Variants in ABCG1 observed in about 807,000 individuals in gnomAD.
ABCG1 encodes ATP binding cassette subfamily G member 1, also known as ATP-binding cassette sub-family G member 1.
Under a neutral mutation model 69.2 loss-of-function variants are expected in ABCG1, and 29 were observed. The observed-to-expected ratio is 0.42, with a 90% CI of 0.31 to 0.57. The LOEUF is 0.57. Among genes scored for constraint, ABCG1 ranks in the 20% least tolerant of loss-of-function variants. ABCG1 has a pLI of 0.15. For synonymous variants in ABCG1, 370 were observed against 374.8 expected (o/e 0.99, Z 0.15); for missense variants, 718 against 898.1 (o/e 0.80, Z 2.56).
Position 42,273,244 on chromosome 21 carries a change from G to A in ABCG1, c.405-59G>A, listed in dbSNP as rs942849367. 3.6e-5 allele frequency: 57 copies of A among 1,571,126 alleles called. No homozygotes were observed. Among genetic ancestry groups the A allele is most frequent in the African/African-American group, 5.4e-5 (4 of 74,074 alleles). On this transcript the variant is annotated intron_variant, in intron 3 of 14. Transcript: ENST00000398449. This position sits in a 1 kb window ranked among gnomAD's most constrained non-coding sequence, Gnocchi z 5.3. Reference sequence around the variant, plus strand: ...GTCTCTGGCTCCCCTCTCCTGCCCCGGGAGGTGGAGGAGGAGCAGGAGCCC... The same window carrying A: ...GTCTCTGGCTCCCCTCTCCTGCCCCAGGAGGTGGAGGAGGAGCAGGAGCCC...
chr21:42,283,385 C>A, intron 6 of ABCG1, among the ~76,000 whole-genome samples: 1 of 152,156 alleles, frequency 6.6e-6, no homozygotes, highest in East Asian at 1.9e-4. Flanking sequence ...CACACACTGT[C>A]CCCCGGGCCT....
chr21:42,201,860 G>A (rs544981389), intron 2 of ABCG1: 579 of 1,543,922 alleles, frequency 3.8e-4, no homozygotes, highest in Non-Finnish European at 4.9e-4. Context: ...CTGCGGTGTA[G>A]TTTGGTGAGG....
At position 42,234,023 on chromosome 21, in the gene ABCG1, G is replaced by GTT. The variant is rs34030542; in HGVS notation, c.286+8117_286+8118dup. On this transcript the variant is annotated intron_variant, in intron 2 of 14. Transcript: ENST00000398449. ...CTCCTCCCACTGTTTTGGGAGAAGT[G>GTT]TTTTTTTTTGTTGTTGTTGTTTTAA... Among the ~76,000 whole-genome samples, 106 of 151,832 alleles carry GTT rather than the reference G, an allele frequency of 7.0e-4. 1 individual carries two copies. Among genetic ancestry groups the GTT allele is most frequent in the African/African-American group, 2.3e-3 (94 of 41,446 alleles).
intron 13 of ABCG1, among the ~76,000 whole-genome samples, chr21:42,292,574 C>T (rs1369744533): frequency 6.6e-6 from 1 of 151,744 alleles, no homozygotes; most frequent in East Asian, 1.9e-4. Flanking sequence ...GGCACACATG[C>T]ACACACACAC....
intron 2 of ABCG1, among the ~76,000 whole-genome samples, chr21:42,206,586 C>A (rs2067544642): frequency 6.6e-6 from 1 of 151,924 alleles, no homozygotes; most frequent in Admixed American, 6.6e-5. Context: ...TCTTCTATAT[C>A]CTGGTACTAC....
chr21:42,294,773 A>G, intron 14 of ABCG1, 113 bp downstream of exon 14: 3 of 920,428 alleles, frequency 3.3e-6, no homozygotes, highest in Non-Finnish European at 3.6e-6. Context: ...CCAAGAGCAG[A>G]TTACACATCT....
At chr21:42,221,138 T>G (rs968093641) in intron 1 of ABCG1, 2 of 152,116 alleles carry the variant, frequency 1.3e-5, no homozygotes, top group African/African-American at 2.4e-5. Context: ...CTCTGAAAAC[T>G]GGGTACTTTA....
intron 5 of ABCG1, among the ~76,000 whole-genome samples, chr21:42,277,150 G>A (rs890155030): frequency 1.3e-5 from 2 of 152,198 alleles, no homozygotes; most frequent in Non-Finnish European, 2.9e-5. Context: ...TGGTGCACAC[G>A]CTCATGGCTT....
intron 2 of ABCG1, among the ~76,000 whole-genome samples, chr21:42,246,781 G>A (rs1374692972): frequency 6.6e-6 from 1 of 152,136 alleles, no homozygotes; most frequent in African/African-American, 2.4e-5. Flanking sequence ...AAATAAACCA[G>A]TTTTTGAGAT....
intron 7 of ABCG1, among the ~76,000 whole-genome samples, chr21:42,285,123 T>C (rs892993486): frequency 6.6e-6 from 1 of 152,020 alleles, no homozygotes; most frequent in Non-Finnish European, 1.5e-5. Flanking sequence ...CCTCCCCTGT[T>C]AAAATGGGGG....
intron 2 of ABCG1, among the ~76,000 whole-genome samples, chr21:42,230,948 G>C (rs531832474): frequency 9.7e-4 from 148 of 152,336 alleles, no homozygotes; most frequent in African/African-American, 3.5e-3. Flanking sequence ...AGGCCAAAAA[G>C]GAGCGTAGCA....
In ABCG1 at chr21:42,287,461, G is replaced by T. The variant is rs2068963789; in HGVS notation, c.974-428G>T. ...TGGGCACGTCCTTCTCTGCCATCTT[G>T]TAGAACTGCCGTGGCTCTCGTCACA... On this transcript the variant is annotated intron_variant, in intron 8 of 14. Transcript: ENST00000398449. The surrounding 1 kb of genome is among the most constrained non-coding windows in gnomAD (Gnocchi z 6.2). 6.6e-6 allele frequency among the ~76,000 whole-genome samples: 1 copy of T among 152,204 alleles called. No homozygotes were observed. The highest frequency in any genetic ancestry group is 2.1e-4 in the South Asian group (1 of 4,830).
intron 10 of ABCG1, among the ~76,000 whole-genome samples, chr21:42,289,321 GAA>G (rs1436051484): frequency 2.0e-5 from 3 of 152,114 alleles, no homozygotes; most frequent in Non-Finnish European, 4.4e-5. Context: ...CATGTCAAAG[GAA>G]AAGTGCAAGA....
At chr21:42,274,727 C>T (rs1208845790) in intron 4 of ABCG1, among the ~76,000 whole-genome samples, 1 of 152,110 alleles carries the variant, frequency 6.6e-6, no homozygotes, top group Non-Finnish European at 1.5e-5. Flanking sequence ...CCCACCTCAG[C>T]CTCCCAAAGT....
intron 2 of ABCG1, among the ~76,000 whole-genome samples, chr21:42,243,274 T>C (rs2068078298): frequency 6.6e-6 from 1 of 152,044 alleles, no homozygotes; most frequent in Non-Finnish European, 1.5e-5. Flanking sequence ...GGAGGAGAGT[T>C]AAAGCTCATG....
At chr21:42,266,060 G>A (rs1285782428) in intron 2 of ABCG1, among the ~76,000 whole-genome samples, 3 of 152,136 alleles carry the variant, frequency 2.0e-5, no homozygotes, top group Non-Finnish European at 4.4e-5. Flanking sequence ...CCAGCACTTT[G>A]GGAGGCCCAC....
At chr21:42,282,203 C>T (rs1433836473) in intron 5 of ABCG1, 71 bp from the exon 6 acceptor site, 13 of 1,557,790 alleles carry the variant, frequency 8.3e-6, no homozygotes, top group Non-Finnish European at 1.1e-5. Context: ...GGCAGGTCTT[C>T]CTGCATGGGC....
chr21:42,265,975 G>A (rs913942664), intron 2 of ABCG1, among the ~76,000 whole-genome samples: 1 of 152,174 alleles, frequency 6.6e-6, no homozygotes, highest in Non-Finnish European at 1.5e-5. Context: ...AAGTGGGCTT[G>A]CTCTTGGTTT....
At chr21:42,202,275 T>C (rs1403826457) in intron 2 of ABCG1, among the ~76,000 whole-genome samples, 1 of 152,228 alleles carries the variant, frequency 6.6e-6, no homozygotes. Context: ...TAAATTCAGA[T>C]GGGTTTCATG....
Sources: gnomAD v4.1 joint callset for allele counts (sites outside exome capture counted in the v4.1 genomes callset) on GRCh38, gnomAD v4.1.1 for gene constraint, Gnocchi (gnomAD v3.1) non-coding constraint, MANE v1.5 for transcripts, NCBI Gene and HGNC (gene_info 2026-07-23, HGNC 2026-07-21) for gene names.